MRPS21: variants seen among roughly 807,000 people sequenced by gnomAD.
MRPS21 encodes the protein mitochondrial ribosomal protein S21, also known as small ribosomal subunit protein bS21m.
Under a neutral mutation model 9.9 loss-of-function variants are expected in MRPS21, and 8 were observed. The ratio of observed to expected loss-of-function variants is 0.81; its 90% CI spans 0.47 to 1.45. The LOEUF (loss-of-function observed/expected upper bound fraction) is 1.45. MRPS21 is among the 40% of genes most tolerant of loss of function. MRPS21 has a pLI of 0.00. For missense variants in MRPS21, 101 were observed against 118.9 expected, an observed-to-expected ratio of 0.85 and a Z score of 0.70; for synonymous variants, 40 against 40.3, an observed-to-expected ratio of 0.99 and a Z score of 0.03.
intron 2 of MRPS21, among the ~76,000 whole-genome samples, chr1:150,307,285 T>C (rs1654370684): frequency 6.6e-6 from 1 of 150,690 alleles, no homozygotes; most frequent in Non-Finnish European, 1.5e-5. Context: ...CGACCTCAGG[T>C]GATCCACCTG....
intron 2 of MRPS21, among the ~76,000 whole-genome samples, chr1:150,298,855 C>T (rs921030741): frequency 2.0e-5 from 3 of 152,184 alleles, no homozygotes; most frequent in South Asian, 4.1e-4. Context: ...CCACCTCAGC[C>T]TCCCAAAGTG....
At chr1:150,297,923 G>A (rs782395037) in intron 2 of MRPS21, among the ~76,000 whole-genome samples, 4 of 125,512 alleles carry the variant, frequency 3.2e-5, no homozygotes, top group Admixed American at 2.9e-4. Flanking sequence ...TGCTATCTTG[G>A]AAGTACAAAA....
At chr1:150,307,044 T>TC (rs1445084275) in intron 2 of MRPS21, among the ~76,000 whole-genome samples, 5 of 63,144 alleles carry the variant, frequency 7.9e-5, no homozygotes, top group Non-Finnish European at 1.3e-4. Flanking sequence ...CTTTTTTATT[T>TC]CCCCAATTTT....
chr1:150,294,626 C>T (rs1334294817), intron 2 of MRPS21, among the ~76,000 whole-genome samples, 177 bp downstream of exon 2: 1 of 151,920 alleles, frequency 6.6e-6, no homozygotes, highest in Non-Finnish European at 1.5e-5. Context: ...GGGCCGGGCG[C>T]GGTGGCTCAC....
chr1:150,308,001 A>G (rs587736115), intron 2 of MRPS21, 47 bp from the exon 3 acceptor site: 1 of 1,465,562 alleles, frequency 6.8e-7, no homozygotes, highest in African/African-American at 1.4e-5. Context: ...CTGGAAAAGA[A>G]TAATGATGAT....
intron 2 of MRPS21, chr1:150,304,015 A>G: frequency 4.8e-6 from 2 of 414,714 alleles, no homozygotes; most frequent in South Asian, 1.7e-5. Context: ...GATCAGTGCT[A>G]TAAAAGAGAC....
chr1:150,294,557 G>A, intron 2 of MRPS21, 108 bp downstream of exon 2: 2 of 932,866 alleles, frequency 2.1e-6, no homozygotes, highest in East Asian at 2.7e-5. Flanking sequence ...CAGCCCAGGT[G>A]TTCACAGTCT....
At chr1:150,300,683 C>T (rs1316881719) in intron 2 of MRPS21, among the ~76,000 whole-genome samples, 1 of 152,172 alleles carries the variant, frequency 6.6e-6, no homozygotes, top group Non-Finnish European at 1.5e-5. Context: ...CCCACTCCTT[C>T]GAGTTAAAAT....
chr1:150,302,360 G>A (rs1654172706), intron 2 of MRPS21, among the ~76,000 whole-genome samples: 1 of 152,122 alleles, frequency 6.6e-6, no homozygotes, highest in Non-Finnish European at 1.5e-5. Flanking sequence ...GAGAGTGGGG[G>A]TTGCTAGGAA....
At chr1:150,301,686 A>T (rs1654139956) in intron 2 of MRPS21, among the ~76,000 whole-genome samples, 1 of 150,852 alleles carries the variant, frequency 6.6e-6, no homozygotes, top group African/African-American at 2.4e-5. Flanking sequence ...CCTCACTGCA[A>T]CCTCTGTCTC....
chr1:150,299,577 C>T (rs930927266), intron 2 of MRPS21, among the ~76,000 whole-genome samples: 3 of 152,148 alleles, frequency 2.0e-5, no homozygotes, highest in Non-Finnish European at 2.9e-5. Flanking sequence ...GCCTCAGCCC[C>T]CCGTGTAGCT....
chr1:150,302,814 A>G (rs926651036), intron 2 of MRPS21, among the ~76,000 whole-genome samples: 1 of 152,198 alleles, frequency 6.6e-6, no homozygotes, highest in African/African-American at 2.4e-5. Flanking sequence ...TACCTCTACT[A>G]TAGGGACTCT....
chr1:150,297,122 T>G (rs500812), intron 2 of MRPS21, among the ~76,000 whole-genome samples: 106,813 of 151,496 alleles, frequency 0.71, 39,048 homozygotes, highest in African/African-American at 0.91. Flanking sequence ...AAACCCCGTC[T>G]CTACTAAAAA....
intron 2 of MRPS21, among the ~76,000 whole-genome samples, chr1:150,295,379 G>A (rs1287951297): frequency 2.0e-5 from 3 of 152,066 alleles, no homozygotes; most frequent in African/African-American, 7.2e-5. Context: ...TGGGTCTAGT[G>A]ACGCACGCCA....
intron 2 of MRPS21, chr1:150,303,928 T>A (rs1320210304): frequency 2.2e-6 from 1 of 455,928 alleles, no homozygotes; most frequent in Non-Finnish European, 4.4e-6. Context: ...TTTTGTTAGG[T>A]GCAAAAGTGA....
intron 2 of MRPS21, among the ~76,000 whole-genome samples, chr1:150,302,619 C>A (rs587607942): frequency 2.7e-4 from 41 of 152,292 alleles, no homozygotes; most frequent in African/African-American, 9.6e-4. Context: ...CTGGTTTCTC[C>A]TTCAGTATTA....
intron 2 of MRPS21, among the ~76,000 whole-genome samples, chr1:150,301,665 G>T (rs1351927136): frequency 6.7e-6 from 1 of 150,266 alleles, no homozygotes; most frequent in Non-Finnish European, 1.5e-5. Flanking sequence ...TGCCCAGACT[G>T]CGTGGTCTCG....
chr1:150,308,243 A>G lies in MRPS21; in HGVS notation c.*15A>G, dbSNP rs1480595405. The G allele has an allele frequency of 1.3e-6, 2 of 1,578,136 alleles. No individual in the cohort carries two copies. Among genetic ancestry groups the G allele is most frequent in the African/African-American group, 1.3e-5 (1 of 74,486 alleles). On this transcript the variant is annotated 3_prime_UTR_variant, in exon 3 of 3. Transcript: ENST00000614145. ...AGGGCTGCTGAGGCCTGTGGGTGGG[A>G]CACCCAGTGCGAAACCCTCATCCAG... is the stretch of plus-strand genomic sequence containing the variant.
intron 2 of MRPS21, among the ~76,000 whole-genome samples, chr1:150,306,669 A>G (rs914391711): frequency 6.6e-5 from 10 of 151,980 alleles, no homozygotes; most frequent in African/African-American, 2.4e-4. Context: ...CTAATTTTGT[A>G]TTTTTAGTAG....
Sources: allele counts gnomAD v4.1 joint callset (sites outside exome capture counted in the v4.1 genomes callset), GRCh38; gene constraint gnomAD v4.1.1; transcripts MANE v1.5; gene names NCBI Gene and HGNC (gene_info 2026-07-23, HGNC 2026-07-21).